SRGAP3: variants seen among roughly 807,000 people sequenced by gnomAD.
SRGAP3 encodes the protein SLIT-ROBO Rho GTPase activating protein 3.
Under a neutral mutation model 121.1 loss-of-function variants are expected in SRGAP3, and 39 were observed. The observed-to-expected ratio is 0.32, with a 90% CI of 0.25 to 0.42. The LOEUF (loss-of-function observed/expected upper bound fraction) is 0.42, where lower values mean the gene tolerates loss of function less well. SRGAP3 is among the 10% of genes least tolerant of loss of function. The pLI, the probability that SRGAP3 is intolerant of heterozygous loss-of-function variation, is 1.00. For missense variants in SRGAP3, 1,213 were observed against 1,470.6 expected (o/e 0.82, Z 2.86); for synonymous variants, 601 against 570.0 (o/e 1.05, Z -0.77).
intron 3 of SRGAP3, among the ~76,000 whole-genome samples, chr3:9,299,103 C>T (rs1446456085): frequency 1.3e-5 from 2 of 149,308 alleles, no homozygotes; most frequent in East Asian, 3.9e-4. Flanking sequence ...TGGCTCACAC[C>T]TGTAATCACA....
intron 1 of SRGAP3, among the ~76,000 whole-genome samples, chr3:9,177,610 CA>C (rs1951226445): frequency 6.6e-6 from 1 of 152,120 alleles, no homozygotes; most frequent in Non-Finnish European, 1.5e-5. Flanking sequence ...GTCAGGGGCC[CA>C]AGTCCCTGGC....
chr3:9,012,392 G>C (rs1375885345), intron 17 of SRGAP3, among the ~76,000 whole-genome samples: 1 of 152,186 alleles, frequency 6.6e-6, no homozygotes, highest in Non-Finnish European at 1.5e-5. Flanking sequence ...CTCTGTCATT[G>C]AGTGTCCTGA....
intron 4 of SRGAP3, among the ~76,000 whole-genome samples, chr3:9,075,900 G>C (rs1167305086): frequency 1.3e-5 from 2 of 152,192 alleles, no homozygotes; most frequent in Non-Finnish European, 2.9e-5. Context: ...CAGCTGGGTG[G>C]CTGGAGTGAA....
chr3:9,310,222 C>T (rs183682989), intron 3 of SRGAP3, among the ~76,000 whole-genome samples: 1 of 152,284 alleles, frequency 6.6e-6, no homozygotes, highest in East Asian at 1.9e-4. Context: ...CCAGGATGAA[C>T]ATGGGTAAAT....
intron 20 of SRGAP3, among the ~76,000 whole-genome samples, chr3:8,991,240 T>C (rs1237044062): frequency 2.0e-5 from 3 of 152,174 alleles, no homozygotes; most frequent in South Asian, 2.1e-4. Flanking sequence ...GGGCTTCTAA[T>C]TGGTCTGAAG....
intron 1 of SRGAP3, among the ~76,000 whole-genome samples, chr3:9,168,881 T>C (rs924604068): frequency 2.6e-5 from 4 of 152,232 alleles, no homozygotes; most frequent in Non-Finnish European, 5.9e-5. Flanking sequence ...TTACAGTGGT[T>C]AGGAGCATGA....
intron 17 of SRGAP3, among the ~76,000 whole-genome samples, chr3:9,012,367 T>C (rs1943418687): frequency 6.6e-6 from 1 of 152,220 alleles, no homozygotes; most frequent in Non-Finnish European, 1.5e-5. Context: ...AAAGAAATAG[T>C]AGAAATGCTT....
chr3:9,324,685 A>G (rs925936672), intron 3 of SRGAP3, among the ~76,000 whole-genome samples: 7 of 151,744 alleles, frequency 4.6e-5, no homozygotes, highest in African/African-American at 7.2e-5. Flanking sequence ...GGCTGGGTGC[A>G]GTGGCTCACG....
At chr3:9,040,986 T>C (rs777426362) in intron 10 of SRGAP3, among the ~76,000 whole-genome samples, 3 of 152,242 alleles carry the variant, frequency 2.0e-5, no homozygotes, top group African/African-American at 7.2e-5. Context: ...TTGGGCAGTG[T>C]TTGGCACAAA....
chr3:9,065,202 A>C (rs1262705069), intron 4 of SRGAP3: 1 of 152,218 alleles, frequency 6.6e-6, no homozygotes, highest in African/African-American at 2.4e-5. Flanking sequence ...CTCTGGAATA[A>C]ATTCATCCTT....
intron 1 of SRGAP3, among the ~76,000 whole-genome samples, chr3:9,142,056 T>C (rs556883881): frequency 2.0e-4 from 30 of 152,360 alleles, no homozygotes; most frequent in Admixed American, 4.6e-4. Context: ...ATACTCAAAT[T>C]CCAACTTGAA....
In SRGAP3 at chr3:9,232,423, C is replaced by G. The variant is rs187902261; in HGVS notation, c.67+16462G>C. ...TACCACCCTATTCCACCCCTCGTCCCCAAGGGTAAACCTCATTACCAATCG... is the reference window on the plus strand; with the variant it reads ...TACCACCCTATTCCACCCCTCGTCCGCAAGGGTAAACCTCATTACCAATCG... On this transcript the variant is annotated intron_variant, in intron 1 of 21. Transcript: ENST00000383836. 4.1e-4 allele frequency among the ~76,000 whole-genome samples: 62 copies of G among 152,248 alleles called. 1 individual carries two copies. Among genetic ancestry groups the G allele is most frequent in the African/African-American group, 1.3e-3 (56 of 41,532 alleles).
At chr3:9,271,887 C>A (rs1320115629) in intron 3 of SRGAP3, among the ~76,000 whole-genome samples, 1 of 152,208 alleles carries the variant, frequency 6.6e-6, no homozygotes, top group Non-Finnish European at 1.5e-5. Flanking sequence ...ATTGTCATCA[C>A]AACAGAAGAT....
Position 8,992,903 on chromosome 3 carries a change from T to C in SRGAP3, c.2558+3A>G, listed in dbSNP as rs1942143398. The C allele has an allele frequency of 6.2e-7, 1 of 1,614,178 alleles. No individual in the cohort carries two copies. ...AGGGAAAAAATGAATCCGCATATCC[T>C]ACCGGCCCATCACCCCCCCAAAGCC... On this transcript the variant is annotated splice_donor_region_variant and intron_variant, in intron 20 of 21. Coordinates refer to ENST00000383836, the MANE Select transcript of SRGAP3 (RefSeq NM_014850.4).
At chr3:9,075,502 T>C (rs751758449) in intron 4 of SRGAP3, among the ~76,000 whole-genome samples, 3 of 152,132 alleles carry the variant, frequency 2.0e-5, no homozygotes, top group South Asian at 4.1e-4. Flanking sequence ...ACTAGGCTTA[T>C]TGAGTGAGTG....
At chr3:9,107,621 C>A (rs568805628) in intron 2 of SRGAP3, among the ~76,000 whole-genome samples, 1 of 152,366 alleles carries the variant, frequency 6.6e-6, no homozygotes, top group Admixed American at 6.5e-5. Context: ...GAACCAGCAG[C>A]AGCAGCATCA....
chr3:9,149,147 G>A (rs1950124747), intron 1 of SRGAP3, among the ~76,000 whole-genome samples: 2 of 151,012 alleles, frequency 1.3e-5, no homozygotes, highest in Non-Finnish European at 2.9e-5. Flanking sequence ...CCGGGAGGCG[G>A]AGGTTGCAGT....
Position 9,032,688 on chromosome 3 carries a change from G to A in SRGAP3, c.1501C>T (p.His501Tyr), listed in dbSNP as rs148179295. The change falls in exon 12 of 22, where the codon CAT becomes TAT. Residue 501 changes from histidine to tyrosine, a missense_variant. This residue lies in a region of SRGAP3 where 793 missense variants were observed against 1,032.9 expected (regional missense o/e 0.77). Transcript: ENST00000383836. ...TCCATACTGCCGTTAAAGAGTTTAT[G>A]GCTATACACTGAGAGAGGCCTAGGT... ...RRPRPLSVYS[H>Y]KLFNGSMEAF... The A allele has an allele frequency of 5.0e-6, 8 of 1,613,638 alleles. No homozygotes were observed. The highest frequency in any genetic ancestry group is 1.7e-4 in the Middle Eastern group (1 of 6,056).
At chr3:9,136,312 CG>C (rs1341135910) in intron 1 of SRGAP3, among the ~76,000 whole-genome samples, 1 of 151,994 alleles carries the variant, frequency 6.6e-6, no homozygotes, top group Non-Finnish European at 1.5e-5. Context: ...AGGATCCGTG[CG>C]CCCAGCGCCG....
Sources: gnomAD v4.1 joint callset for allele counts (sites outside exome capture counted in the v4.1 genomes callset) on GRCh38, gnomAD v4.1.1 for gene constraint, gnomAD v4.1.1 regional missense constraint, MANE v1.5 for transcripts, NCBI Gene and HGNC (gene_info 2026-07-23, HGNC 2026-07-21) for gene names.